The following TMEM44 variants were observed in gnomAD, a reference collection of about 807,000 sequenced individuals.
TMEM44 encodes the protein transmembrane protein 44.
A neutral mutation model predicts 47.8 loss-of-function variants in TMEM44; 43 were observed. That is an observed-to-expected ratio of 0.90 (90% CI 0.70 to 1.16). The LOEUF (loss-of-function observed/expected upper bound fraction) is 1.16. Among genes scored for constraint, TMEM44 ranks in the 50% most tolerant of loss-of-function variants. The pLI is 0.00. For synonymous variants in TMEM44, 277 were observed against 238.8 expected (o/e 1.16, Z -1.48); for missense variants, 568 against 555.2 (o/e 1.02, Z -0.23).
At chr3:194,601,744 C>T (rs1006565168) in intron 9 of TMEM44, among the ~76,000 whole-genome samples, 1 of 152,196 alleles carries the variant, frequency 6.6e-6, no homozygotes, top group Non-Finnish European at 1.5e-5. Flanking sequence ...GCCACTGTGC[C>T]TGGCCGGAAT....
At chr3:194,626,040 C>G (rs1717142031) in intron 2 of TMEM44, 50 bp from the exon 3 acceptor site, 1 of 1,433,094 alleles carries the variant, frequency 7.0e-7, no homozygotes, top group African/African-American at 1.4e-5. Flanking sequence ...CTTTCCTCAG[C>G]CCCTACAGAG....
intron 6 of TMEM44, chr3:194,616,348 G>C: frequency 9.7e-6 from 3 of 309,656 alleles, no homozygotes; most frequent in Non-Finnish European, 1.9e-5. Context: ...CACCGTGCCC[G>C]GCCCAGACTG....
chr3:194,607,587 C>A (rs1433584749), intron 8 of TMEM44, among the ~76,000 whole-genome samples: 2 of 152,168 alleles, frequency 1.3e-5, no homozygotes, highest in Non-Finnish European at 2.9e-5. Context: ...CACTGACAAA[C>A]TGTGTGACCT....
intron 3 of TMEM44, among the ~76,000 whole-genome samples, chr3:194,625,569 C>T (rs1361772921): frequency 6.6e-6 from 1 of 152,202 alleles, no homozygotes; most frequent in African/African-American, 2.4e-5. Flanking sequence ...CAACCTCCGC[C>T]TCCTGGGTTC....
chr3:194,619,677 T>C (rs907545964), intron 5 of TMEM44, among the ~76,000 whole-genome samples: 1 of 152,236 alleles, frequency 6.6e-6, no homozygotes, highest in African/African-American at 2.4e-5. Context: ...AGCCAGGGTC[T>C]GAAGCCATGC....
In TMEM44 at chr3:194,623,628, C is replaced by CG. The variant is rs1560194997; in HGVS notation, c.425dup (p.Leu143AlafsTer37). On this transcript the variant is annotated frameshift_variant, in exon 4 of 10. Coordinates refer to ENST00000347147, the MANE Select transcript of TMEM44 (RefSeq NM_001011655.3). LOFTEE classifies it high-confidence loss of function. ...GAGCCCAGCACGGGCCCAGGCTCAG[C>CG]GGCAGGGCCAGGGCAAACACACTGG... The CG allele has an allele frequency of 1.2e-6, 2 of 1,612,418 alleles. No individual in the cohort carries two copies. Among genetic ancestry groups the CG allele is most frequent in the Non-Finnish European group, 1.7e-6 (2 of 1,179,702 alleles).
intron 9 of TMEM44, among the ~76,000 whole-genome samples, chr3:194,592,855 C>A (rs138218582): frequency 1.3e-5 from 2 of 152,030 alleles, no homozygotes; most frequent in Non-Finnish European, 2.9e-5. Flanking sequence ...CTCAGGTGAT[C>A]GCCCACCTCG....
rs879642728 is a variant in TMEM44, at chr3:194,613,168, TTTTA to T, written c.913-2152_913-2149del. ...GCTGTAAACAACACTTATTTTTTAT[TTTTA>T]TTTATTTATTTATTTATTTTCTTGA... On this transcript the variant is annotated intron_variant, in intron 7 of 9. Transcript: ENST00000347147. Among the ~76,000 whole-genome samples the T allele has an allele frequency of 2.4e-3, 366 of 152,054 alleles. 9 individuals carry two copies. Among genetic ancestry groups the T allele is most frequent in the Admixed American group, 0.022 (336 of 15,268 alleles).
chr3:194,594,616 A>G (rs1411774485), intron 9 of TMEM44, among the ~76,000 whole-genome samples: 5 of 152,042 alleles, frequency 3.3e-5, no homozygotes, highest in Non-Finnish European at 5.9e-5. Context: ...CTGAGGGAAC[A>G]TAAACTGAAA....
intron 5 of TMEM44, among the ~76,000 whole-genome samples, chr3:194,618,068 T>C (rs1208314330): frequency 6.6e-6 from 1 of 152,206 alleles, no homozygotes; most frequent in East Asian, 1.9e-4. Context: ...GGTTTCCTTA[T>C]GAGTGACCCG....
chr3:194,617,788 T>A (rs1577205310), intron 5 of TMEM44: 1 of 701,596 alleles, frequency 1.4e-6, no homozygotes, highest in African/African-American at 1.8e-5. Flanking sequence ...TGGTGGGAGG[T>A]GGTTGGGTCA....
chr3:194,588,587 A>AGT lies in TMEM44; in HGVS notation c.1227_1228dup (p.Leu410HisfsTer11). ...AGAGTCCTGGTGCACCTGGGATCCC[A>AGT]GTAGCTCCACATTTTCTTTGCTGCC... On this transcript the variant is annotated frameshift_variant, in exon 10 of 10. Coordinates refer to ENST00000347147, the MANE Select transcript of TMEM44 (RefSeq NM_001011655.3). LOFTEE classifies it low-confidence loss of function (END_TRUNC). 6.2e-7 allele frequency: 1 copy of AGT among 1,614,204 alleles called. No homozygotes were observed. Among genetic ancestry groups the AGT allele is most frequent in the Non-Finnish European group, 8.5e-7 (1 of 1,180,034 alleles).
chr3:194,613,120 C>G (rs981526716), intron 7 of TMEM44, among the ~76,000 whole-genome samples: 1 of 152,158 alleles, frequency 6.6e-6, no homozygotes, highest in Non-Finnish European at 1.5e-5. Context: ...GGTGGCATGA[C>G]ATAATTGTAA....
At chr3:194,604,809 G>T (rs774504978) in intron 8 of TMEM44, among the ~76,000 whole-genome samples, 6 of 152,154 alleles carry the variant, frequency 3.9e-5, no homozygotes, top group Non-Finnish European at 8.8e-5. Context: ...AGCATTTCAG[G>T]TGTTCCCAGT....
At chr3:194,594,393 C>T (rs1713157144) in intron 9 of TMEM44, among the ~76,000 whole-genome samples, 1 of 151,780 alleles carries the variant, frequency 6.6e-6, no homozygotes, top group African/African-American at 2.4e-5. Context: ...GAACTCCTGG[C>T]CTCAAGTGAT....
intron 9 of TMEM44, among the ~76,000 whole-genome samples, chr3:194,592,203 C>T (rs867386405): frequency 2.8e-5 from 4 of 141,306 alleles, no homozygotes; most frequent in African/African-American, 5.4e-5. Context: ...CCGGCCTGGG[C>T]GACAGAGCGA....
chr3:194,632,496 A>T (rs1717927724), intron 1 of TMEM44, among the ~76,000 whole-genome samples: 1 of 152,084 alleles, frequency 6.6e-6, no homozygotes, highest in African/African-American at 2.4e-5. Context: ...ATCTGGACAA[A>T]CCAGTCCAGG....
chr3:194,594,310 C>A lies in TMEM44; in HGVS notation c.1177-5671G>T, dbSNP rs1713147536. Among the ~76,000 whole-genome samples, 3 of 151,828 alleles carry A rather than the reference C, an allele frequency of 2.0e-5. No homozygotes were observed. The South Asian group carries it at 6.2e-4, about 32-fold the overall frequency. On this transcript the variant is annotated intron_variant, in intron 9 of 9. Coordinates refer to ENST00000347147, the MANE Select transcript of TMEM44 (RefSeq NM_001011655.3). ...TCCTGAGTAGCTGGGATTACAGGCG[C>A]CCAGGACCATGCCCAGCTAATTTTG...
At chr3:194,625,782 T>C in intron 3 of TMEM44, 115 bp downstream of exon 3, 5 of 939,636 alleles carry the variant, frequency 5.3e-6, no homozygotes, top group South Asian at 4.1e-5. Context: ...GCCCAGCCTT[T>C]CTCCTTTGTT....
Sources: allele counts gnomAD v4.1 joint callset (sites outside exome capture counted in the v4.1 genomes callset), GRCh38; gene constraint gnomAD v4.1.1; transcripts MANE v1.5; gene names NCBI Gene and HGNC (gene_info 2026-07-23, HGNC 2026-07-21).